The following NAV2 variants were observed in gnomAD, a reference collection of about 807,000 sequenced individuals.
The protein encoded by NAV2 is neuron navigator 2.
In NAV2, 54 loss-of-function variants were observed where a neutral mutation model predicts 223.2. The ratio of observed to expected loss-of-function variants is 0.24; its 90% CI spans 0.19 to 0.30. The LOEUF is 0.30. NAV2 is among the 10% of genes least tolerant of loss of function. The pLI, the probability that NAV2 is intolerant of heterozygous loss-of-function variation, is 1.00. For synonymous variants in NAV2, 1,279 were observed against 1,239.3 expected, an observed-to-expected ratio of 1.03 and a Z score of -0.67; for missense variants, 2,806 against 3,147.5, an observed-to-expected ratio of 0.89 and a Z score of 2.60.
intron 1 of NAV2, among the ~76,000 whole-genome samples, chr11:19,649,131 A>G (rs1390368439): frequency 2.0e-5 from 3 of 152,198 alleles, no homozygotes; most frequent in Non-Finnish European, 2.9e-5. Flanking sequence ...CTATAGCATA[A>G]ACTGTGCTAT....
chr11:20,098,374 G>A (rs1197946942), intron 31 of NAV2, among the ~76,000 whole-genome samples: 1 of 152,190 alleles, frequency 6.6e-6, no homozygotes, highest in African/African-American at 2.4e-5. Flanking sequence ...CTGTCATTCA[G>A]TGTCCTAACT....
chr11:20,023,023 C>T, intron 11 of NAV2: 2 of 1,536,792 alleles, frequency 1.3e-6, no homozygotes, highest in Non-Finnish European at 1.8e-6. Context: ...TGTGGGCTGG[C>T]TCAGCTGGCT....
chr11:20,009,649 G>A lies in NAV2; in HGVS notation c.2768+25402G>A, dbSNP rs1033077790. On this transcript the variant is annotated intron_variant, in intron 11 of 37. Transcript: ENST00000349880. Reference sequence around the variant, plus strand: ...AGTAAATGCCTGTCTATGAGCTTCCGATCCCCCTTGGATAAAGTTCAAACT... The same window carrying A: ...AGTAAATGCCTGTCTATGAGCTTCCAATCCCCCTTGGATAAAGTTCAAACT... Among the ~76,000 whole-genome samples the A allele has an allele frequency of 5.9e-5, 9 of 152,094 alleles. No homozygotes were observed. In the South Asian group the frequency reaches 6.2e-4, roughly 11 times the overall value.
At chr11:19,960,817 G>A (rs1242039438) in intron 10 of NAV2, among the ~76,000 whole-genome samples, 1 of 151,916 alleles carries the variant, frequency 6.6e-6, no homozygotes, top group Non-Finnish European at 1.5e-5. Context: ...TCACCATGTT[G>A]GTCAGGCTGG....
rs545525025 is a variant in NAV2 at position 19,367,609 on chromosome 11, T to A, written c.75+16582T>A. On this transcript the variant is annotated intron_variant, in intron 1 of 37. Coordinates refer to the NAV2 transcript ENST00000360655. ...CTAGATCCTCCCACCCATCTGCTCT[T>A]GGAGTCATCTCTGCCTCTCACTGGG... is the stretch of plus-strand genomic sequence containing the variant. Among the ~76,000 whole-genome samples the A allele has an allele frequency of 1.2e-4, 19 of 152,286 alleles. 1 individual carries two copies. The highest frequency in any genetic ancestry group is 4.6e-4 in the African/African-American group (19 of 41,570).
At chr11:19,908,574 G>A (rs990178137) in intron 6 of NAV2, among the ~76,000 whole-genome samples, 3 of 152,228 alleles carry the variant, frequency 2.0e-5, no homozygotes, top group African/African-American at 7.2e-5. Flanking sequence ...CGCTACATGT[G>A]ACTATTAAGC....
intron 10 of NAV2, among the ~76,000 whole-genome samples, chr11:19,983,907 C>T (rs2050523108): frequency 1.3e-5 from 2 of 150,542 alleles, no homozygotes; most frequent in Admixed American, 1.3e-4. Context: ...TGAGTTCGCT[C>T]TCTTTTTTCA....
At chr11:19,466,167 G>A (rs1456395165) in intron 1 of NAV2, among the ~76,000 whole-genome samples, 2 of 152,216 alleles carry the variant, frequency 1.3e-5, no homozygotes, top group Non-Finnish European at 2.9e-5. Flanking sequence ...TGGGAAGACA[G>A]GCAGCATTTA....
chr11:19,547,802 C>G (rs138124288), intron 1 of NAV2, among the ~76,000 whole-genome samples: 2 of 152,262 alleles, frequency 1.3e-5, no homozygotes, highest in African/African-American at 4.8e-5. Flanking sequence ...AATAAAGGAT[C>G]TGAGAACTCA....
Position 20,073,911 on chromosome 11 carries a change from G to T in NAV2, c.4984-3641G>T, listed in dbSNP as rs1385160004. 7.2e-5 allele frequency among the ~76,000 whole-genome samples: 11 copies of T among 152,230 alleles called. No homozygotes were observed. In the East Asian group the frequency reaches 2.1e-3, roughly 29 times the overall value. The stretch of plus-strand genomic sequence containing the variant: ...CCTGGATTCACTGATTTTTTGAAGG[G>T]TTTTTTGTGTCTCTATCTCCTTCAG... On this transcript the variant is annotated intron_variant, in intron 22 of 37. Transcript: ENST00000349880.
chr11:19,806,732 C>A (rs1191532936), intron 1 of NAV2, among the ~76,000 whole-genome samples: 1 of 152,194 alleles, frequency 6.6e-6, no homozygotes, highest in Non-Finnish European at 1.5e-5. Flanking sequence ...TTAGAAAAAG[C>A]AATGCTAGAG....
intron 22 of NAV2, among the ~76,000 whole-genome samples, chr11:20,068,932 G>A (rs1259926588): frequency 6.6e-6 from 1 of 152,184 alleles, no homozygotes. Flanking sequence ...AGCAAGCACA[G>A]TGACTGACAT....
chr11:19,525,985 G>A (rs1019545699), intron 1 of NAV2, among the ~76,000 whole-genome samples: 3 of 152,094 alleles, frequency 2.0e-5, no homozygotes, highest in Admixed American at 6.5e-5. Context: ...AATGTTCCCC[G>A]CCTCCCTGTC....
chr11:19,821,261 C>CA lies in NAV2; in HGVS notation c.268-11202dup, dbSNP rs60029840. On this transcript the variant is annotated intron_variant, in intron 1 of 37. Coordinates refer to ENST00000349880, the MANE Select transcript of NAV2 (RefSeq NM_145117.5). ...TGGGCGACAGAGCGAGACTCTGTCT[C>CA]AAAAAAAAAAAAAAAAAAAAAGAGG... Among the ~76,000 whole-genome samples the CA allele has an allele frequency of 1.7e-3, 171 of 99,546 alleles. 1 individual carries two copies. The highest frequency in any genetic ancestry group is 5.8e-3 in the African/African-American group (152 of 26,230). 65.3% of individuals were successfully genotyped at this position (99,546 alleles called of 152,430 possible).
At chr11:19,949,501 G>A (rs973193055) in intron 10 of NAV2, among the ~76,000 whole-genome samples, 17 of 152,066 alleles carry the variant, frequency 1.1e-4, no homozygotes, top group Non-Finnish European at 2.2e-4. Context: ...AGCTCTTTCC[G>A]GCCTCACAGC....
At chr11:19,906,609 T>C (rs970001426) in intron 6 of NAV2, among the ~76,000 whole-genome samples, 5 of 152,204 alleles carry the variant, frequency 3.3e-5, no homozygotes, top group Non-Finnish European at 7.3e-5. Flanking sequence ...TGCAGTTTCC[T>C]ATAAGTTATA....
intron 1 of NAV2, among the ~76,000 whole-genome samples, chr11:19,621,334 C>T (rs947541811): frequency 2.0e-5 from 3 of 152,132 alleles, no homozygotes; most frequent in African/African-American, 7.2e-5. Context: ...GGAATGGTAC[C>T]AGCTCCTCCT....
At chr11:19,932,776 T>C (rs1278131142) in intron 6 of NAV2, among the ~76,000 whole-genome samples, 1 of 152,254 alleles carries the variant, frequency 6.6e-6, no homozygotes, top group African/African-American at 2.4e-5. Context: ...TCTGATACAT[T>C]GTTTGCTTAA....
At chr11:19,434,396 A>G (rs1167662390) in intron 1 of NAV2, among the ~76,000 whole-genome samples, 1 of 152,232 alleles carries the variant, frequency 6.6e-6, no homozygotes, top group Admixed American at 6.5e-5. Flanking sequence ...CAGAATTCAT[A>G]TGTCAGAATG....
Sources: allele counts gnomAD v4.1 joint callset (sites outside exome capture counted in the v4.1 genomes callset), GRCh38; gene constraint gnomAD v4.1.1; transcripts MANE v1.5; gene names NCBI Gene and HGNC (gene_info 2026-07-23, HGNC 2026-07-21).